SLC38A4: variants seen among roughly 807,000 people sequenced by gnomAD.
SLC38A4 encodes sodium-coupled neutral amino acid transporter 4.
In SLC38A4, 20 loss-of-function variants were observed where a neutral mutation model predicts 63.1. The ratio of observed to expected loss-of-function variants is 0.32; its 90% CI spans 0.22 to 0.46. SLC38A4 has a LOEUF of 0.46. Ranked by LOEUF, SLC38A4 falls within the 20% of genes least tolerant of loss-of-function variation. The probability of loss-of-function intolerance (pLI) is 1.00; values close to 1 mark genes in which losing one functional copy is unlikely to be tolerated. For synonymous variants in SLC38A4, 230 were observed against 225.5 expected (o/e 1.02, Z -0.18); for missense variants, 526 against 663.6 (o/e 0.79, Z 2.28).
intron 12 of SLC38A4, among the ~76,000 whole-genome samples, chr12:46,777,456 C>G (rs534486704): frequency 2.0e-5 from 3 of 151,910 alleles, no homozygotes; most frequent in Non-Finnish European, 4.4e-5. Context: ...ACCTGGCTGC[C>G]AAAGATCAAT....
chr12:46,801,624 G>T (rs1939133928), intron 2 of SLC38A4, among the ~76,000 whole-genome samples: 1 of 152,024 alleles, frequency 6.6e-6, no homozygotes, highest in African/African-American at 2.4e-5. Context: ...TTGAGCAAGG[G>T]TCATGCAACT....
At chr12:46,768,469 G>A (rs781316373) in intron 15 of SLC38A4, 62 bp from the exon 16 acceptor site, 3 of 1,182,870 alleles carry the variant, frequency 2.5e-6, no homozygotes, top group Admixed American at 4.3e-5. Flanking sequence ...CAAAGGAGAT[G>A]CCAGCACACA....
chr12:46,773,817 A>T (rs756677798), intron 14 of SLC38A4, among the ~76,000 whole-genome samples: 11 of 152,126 alleles, frequency 7.2e-5, no homozygotes, highest in Non-Finnish European at 1.0e-4. Flanking sequence ...TGAATAAAGC[A>T]ATACAGAAGC....
rs577165550 is a variant in SLC38A4 at position 46,779,657 on chromosome 12, T to C, written c.671A>G (p.Tyr224Cys). The change falls in exon 10 of 17, where the codon TAT becomes TGT. Residue 224 changes from tyrosine (Y) to cysteine (C), a missense_variant. Coordinates refer to ENST00000266579, the MANE Select transcript of SLC38A4 (RefSeq NM_018018.5). ...SLLKNLGYLG[Y>C]TSGFSLTCMV... ...GCAGGTAAGAGAAAATCCACTGGTA[T>C]AGCCAAGATAACCTAGAAGTTAGAA... 1.2e-4 allele frequency: 185 copies of C among 1,607,678 alleles called. 2 individuals are homozygous for C. The South Asian group carries it at 2.0e-3, about 18-fold the overall frequency.
At chr12:46,780,952 C>T (rs1245006123) in intron 7 of SLC38A4, among the ~76,000 whole-genome samples, 1 of 151,980 alleles carries the variant, frequency 6.6e-6, no homozygotes, top group Non-Finnish European at 1.5e-5. Flanking sequence ...TGTCCTACAT[C>T]CTTCTAGTGA....
rs142000161 is a variant in SLC38A4, at chr12:46,766,704, G to A, written c.1641C>T (p.His547=). 3.2e-4 allele frequency: 512 copies of A among 1,597,018 alleles called. 1 individual carries two copies. Among genetic ancestry groups the A allele is most frequent in the Non-Finnish European group, 4.2e-4 (489 of 1,165,626 alleles). Reference sequence around the variant, plus strand: ...AAAGAAAGTATTTTTCCTTGTGTTAGTGATGCTTGGAATTTGGAGGATCAT... The same window carrying A: ...AAAGAAAGTATTTTTCCTTGTGTTAATGATGCTTGGAATTTGGAGGATCAT... ...WIYDPPNSKH[H] is the part of the protein sequence containing the mutation. The change falls in exon 17 of 17, where the codon CAC becomes CAT. Residue 547 remains histidine, a synonymous_variant. Coordinates refer to ENST00000266579, the MANE Select transcript of SLC38A4 (RefSeq NM_018018.5).
intron 2 of SLC38A4, among the ~76,000 whole-genome samples, chr12:46,797,735 C>T (rs1428852707): frequency 1.3e-5 from 2 of 152,158 alleles, no homozygotes; most frequent in Non-Finnish European, 2.9e-5. Context: ...TTACATCAGC[C>T]TAGGCTTCTC....
rs1592171560 is a variant in SLC38A4, at chr12:46,765,607, C to T, written c.*1094G>A. 1.1e-5 allele frequency: 2 copies of T among 177,176 alleles called. No individual in the cohort carries two copies. Among genetic ancestry groups the T allele is most frequent in the Non-Finnish European group, 2.4e-5 (2 of 81,718 alleles). 11.0% of individuals were successfully genotyped at this position (177,176 alleles called of 1,614,324 possible). On this transcript the variant is annotated 3_prime_UTR_variant, in exon 17 of 17. Coordinates refer to ENST00000266579, the MANE Select transcript of SLC38A4 (RefSeq NM_018018.5). ...AGACAGATACATATGAATGGATTTT[C>T]GAGCCCACCAACTTAATTCCCTGCC...
intron 1 of SLC38A4, among the ~76,000 whole-genome samples, chr12:46,821,158 T>C (rs138897904): frequency 6.0e-4 from 91 of 152,230 alleles, no homozygotes; most frequent in Non-Finnish European, 1.1e-3. Flanking sequence ...AGAAGCCTTT[T>C]AGTTTGATGT....
At chr12:46,780,477 C>G (rs1253146671) in intron 7 of SLC38A4, among the ~76,000 whole-genome samples, 2 of 151,994 alleles carry the variant, frequency 1.3e-5, no homozygotes, top group East Asian at 1.9e-4. Flanking sequence ...GGGCACCAAT[C>G]TAGTCCTCCG....
intron 1 of SLC38A4, among the ~76,000 whole-genome samples, chr12:46,820,439 G>A (rs1193601522): frequency 6.6e-6 from 1 of 151,988 alleles, no homozygotes; most frequent in Non-Finnish European, 1.5e-5. Flanking sequence ...TTGTCCTTCT[G>A]TGACTGGCTT....
intron 12 of SLC38A4, 120 bp downstream of exon 12, chr12:46,778,169 G>T (rs1938568216): frequency 2.2e-6 from 2 of 892,500 alleles, no homozygotes; most frequent in Non-Finnish European, 3.6e-6. Flanking sequence ...CTGAGGAGTG[G>T]ATGGAGTACA....
chr12:46,807,603 C>T (rs946029338), intron 1 of SLC38A4, among the ~76,000 whole-genome samples: 2 of 151,826 alleles, frequency 1.3e-5, no homozygotes, highest in African/African-American at 4.8e-5. Flanking sequence ...TCAAATTCTT[C>T]ATTTTATTTC....
At chr12:46,795,853 C>T (rs1293790023) in intron 2 of SLC38A4, among the ~76,000 whole-genome samples, 1 of 151,934 alleles carries the variant, frequency 6.6e-6, no homozygotes, top group African/African-American at 2.4e-5. Context: ...TATCCTTATC[C>T]TTTCATCACG....
chr12:46,817,281 A>G (rs1387512812), intron 1 of SLC38A4, among the ~76,000 whole-genome samples: 1 of 151,848 alleles, frequency 6.6e-6, no homozygotes, highest in Non-Finnish European at 1.5e-5. Flanking sequence ...AACACATACC[A>G]GAGGAAATGT....
At chr12:46,810,899 G>A (rs1327291848) in intron 1 of SLC38A4, among the ~76,000 whole-genome samples, 1 of 151,998 alleles carries the variant, frequency 6.6e-6, no homozygotes, top group African/African-American at 2.4e-5. Context: ...CTTTGATTCT[G>A]AATGGGCATT....
intron 1 of SLC38A4, among the ~76,000 whole-genome samples, chr12:46,811,370 G>C (rs2120891720): frequency 6.6e-6 from 1 of 152,054 alleles, no homozygotes; most frequent in East Asian, 1.9e-4. Context: ...TAACAGCTGG[G>C]CTAAATCTGA....
intron 2 of SLC38A4, among the ~76,000 whole-genome samples, chr12:46,797,657 A>G (rs761012141): frequency 6.6e-6 from 1 of 152,098 alleles, no homozygotes; most frequent in Non-Finnish European, 1.5e-5. Context: ...CTGTCTGTCT[A>G]TTTATCTCCA....
chr12:46,769,240 G>T, intron 15 of SLC38A4, 44 bp downstream of exon 15: 1 of 1,606,302 alleles, frequency 6.2e-7, no homozygotes, highest in Non-Finnish European at 8.5e-7. Flanking sequence ...ATTTAATGAG[G>T]CGTGAGTTTG....
Sources: gnomAD v4.1 joint callset for allele counts (sites outside exome capture counted in the v4.1 genomes callset) on GRCh38, gnomAD v4.1.1 for gene constraint, MANE v1.5 for transcripts, NCBI Gene and HGNC (gene_info 2026-07-23, HGNC 2026-07-21) for gene names.